Variants in ROBO2 observed in about 807,000 individuals in gnomAD.
ROBO2 encodes roundabout homolog 2.
A neutral mutation model predicts 160.8 loss-of-function variants in ROBO2; 53 were observed. The observed-to-expected ratio is 0.33, with a 90% CI of 0.26 to 0.41. ROBO2 has a LOEUF of 0.41. ROBO2 is among the 10% of genes least tolerant of loss of function. The pLI is 1.00. For missense variants in ROBO2, 1,577 were observed against 1,722.4 expected (o/e 0.92, Z 1.49); for synonymous variants, 664 against 611.7 (o/e 1.09, Z -1.26).
At chr3:76,668,267 T>TAAAA (rs35393443) in intron 2 of ROBO2, among the ~76,000 whole-genome samples, 2 of 150,526 alleles carry the variant, frequency 1.3e-5, no homozygotes, top group African/African-American at 4.9e-5. Flanking sequence ...GCCCAGCTAT[T>TAAAA]AAAAAAAAAT....
At chr3:77,483,277 A>G (rs2084923239) in intron 4 of ROBO2, among the ~76,000 whole-genome samples, 1 of 152,074 alleles carries the variant, frequency 6.6e-6, no homozygotes, top group Non-Finnish European at 1.5e-5. Flanking sequence ...AACAAAAAAA[A>G]CAAAGTGATG....
intron 2 of ROBO2, among the ~76,000 whole-genome samples, chr3:76,157,108 T>C (rs2072437573): frequency 6.6e-6 from 1 of 152,222 alleles, no homozygotes; most frequent in African/African-American, 2.4e-5. Flanking sequence ...ATGGTCATTT[T>C]TCCTGGCTTA....
chr3:77,281,316 G>A (rs1346108502), intron 2 of ROBO2, among the ~76,000 whole-genome samples: 2 of 128,550 alleles, frequency 1.6e-5, no homozygotes, highest in South Asian at 2.6e-4. Context: ...TCCTTCTTTC[G>A]TTACCTCCCA....
intron 2 of ROBO2, among the ~76,000 whole-genome samples, chr3:77,186,838 T>G (rs146176914): frequency 6.6e-6 from 1 of 152,144 alleles, no homozygotes; most frequent in African/African-American, 2.4e-5. Flanking sequence ...AAAAATGCTT[T>G]AACTTCCTTT....
chr3:77,568,536 A>G (rs2093554493), intron 13 of ROBO2, 102 bp downstream of exon 14: 23 of 1,382,304 alleles, frequency 1.7e-5, no homozygotes, highest in Non-Finnish European at 2.0e-6. Flanking sequence ...AATTCCCGCC[A>G]TTTAAAATCA....
intron 2 of ROBO2, among the ~76,000 whole-genome samples, chr3:76,208,024 C>A (rs764708370): frequency 3.3e-5 from 5 of 152,178 alleles, no homozygotes; most frequent in Non-Finnish European, 7.3e-5. Context: ...CACCTCCCCA[C>A]TGTTACTCTT....
rs142613906 is a variant in ROBO2 at position 76,457,454 on chromosome 3, C to T, written c.109+519852C>T. The stretch of plus-strand genomic sequence containing the variant: ...GTTCCAAAGGTCTTAGGCAGCTCCG[C>T]CCCTGTGGCTTTGCAGGGTGCAGCC... On this transcript the variant is annotated intron_variant, in intron 2 of 26. Transcript: ENST00000487694. 8.8e-4 allele frequency among the ~76,000 whole-genome samples: 134 copies of T among 152,302 alleles called. 1 individual carries two copies. Among genetic ancestry groups the T allele is most frequent in the African/African-American group, 3.1e-3 (129 of 41,576 alleles).
At chr3:76,677,376 A>G (rs72888350) in intron 2 of ROBO2, among the ~76,000 whole-genome samples, 5,418 of 152,260 alleles carry the variant, frequency 0.036, 291 homozygotes, top group African/African-American at 0.11. Context: ...AGAGAAGTTA[A>G]AATTACTGAC....
rs71104688 is a variant in ROBO2 at position 77,473,440 on chromosome 3, CTTTTTTTTTTTTTTTTTTTTTTTTT to C, written c.389-3961_389-3937del. On this transcript the variant is annotated intron_variant, in intron 2 of 25. Transcript: ENST00000461745. ...CTGCAGTTCGATTTTACAAACTGCT[CTTTTTTTTTTTTTTTTTTTTTTTTT>C]TTTTTTTTTTTTGAGACAAAGTCTC... Among the ~76,000 whole-genome samples the C allele has an allele frequency of 1.2e-4, 9 of 77,922 alleles. 1 individual carries two copies. Among genetic ancestry groups the C allele is most frequent in the South Asian group, 1.1e-3 (2 of 1,878 alleles). The allele number at this position is 77,922 out of a possible 152,430, so 51.1% of individuals were successfully genotyped here.
At chr3:77,641,345 A>C (rs2153722710) in intron 24 of ROBO2, among the ~76,000 whole-genome samples, 1 of 152,362 alleles carries the variant, frequency 6.6e-6, no homozygotes, top group South Asian at 2.1e-4. Context: ...GACCAACATT[A>C]TCAGTCCAAT....
intron 6 of ROBO2, chr3:77,538,802 C>T (rs1347061734): frequency 2.3e-6 from 1 of 441,942 alleles, no homozygotes; most frequent in African/African-American, 2.0e-5. Flanking sequence ...ATTGAGTAAA[C>T]ATTTATCTCT....
intron 2 of ROBO2, among the ~76,000 whole-genome samples, chr3:77,285,657 A>C (rs1266156330): frequency 6.6e-6 from 1 of 152,194 alleles, no homozygotes; most frequent in East Asian, 1.9e-4. Context: ...CTCATAGATC[A>C]CGTTCACTCT....
At chr3:77,588,082 A>G (rs1349412175) in intron 16 of ROBO2, among the ~76,000 whole-genome samples, 1 of 152,032 alleles carries the variant, frequency 6.6e-6, no homozygotes, top group Non-Finnish European at 1.5e-5. Flanking sequence ...TTGTTCTTTA[A>G]ATTTAGCTTT....
chr3:77,066,768 G>T (rs747051185), intron 1 of ROBO2, among the ~76,000 whole-genome samples: 33 of 152,142 alleles, frequency 2.2e-4, no homozygotes, highest in Non-Finnish European at 4.6e-4. Flanking sequence ...GGGAATGATT[G>T]TTTAGTGTTA....
chr3:76,126,841 A>G (rs949114833), intron 2 of ROBO2, among the ~76,000 whole-genome samples: 3 of 152,126 alleles, frequency 2.0e-5, no homozygotes, highest in Admixed American at 2.0e-4. Flanking sequence ...GTTTAAGTTT[A>G]GTACCTGGAA....
At chr3:76,891,082 T>A (rs2074309932) in intron 2 of ROBO2, among the ~76,000 whole-genome samples, 1 of 152,206 alleles carries the variant, frequency 6.6e-6, no homozygotes, top group South Asian at 2.1e-4. Flanking sequence ...ATTATTTCAC[T>A]TTTTGTTCAT....
chr3:76,508,252 A>G (rs992819935), intron 2 of ROBO2, among the ~76,000 whole-genome samples: 3 of 152,170 alleles, frequency 2.0e-5, no homozygotes, highest in Non-Finnish European at 4.4e-5. Context: ...AAATGTGGCA[A>G]CAAATTATGT....
Position 76,977,707 on chromosome 3 carries a change from C to T in ROBO2, c.110-120307C>T, listed in dbSNP as rs990917217. Among the ~76,000 whole-genome samples the T allele has an allele frequency of 7.9e-5, 12 of 152,098 alleles. 1 individual carries two copies. The highest frequency in any genetic ancestry group is 7.9e-4 in the Admixed American group (12 of 15,264). On this transcript the variant is annotated intron_variant, in intron 2 of 26. Transcript: ENST00000487694. Reference sequence around the variant, plus strand: ...ATTTCAGCAAAAACATTTGACAACACCTTCTGCATTGCTGAGCACTACAGT... The same window carrying T: ...ATTTCAGCAAAAACATTTGACAACATCTTCTGCATTGCTGAGCACTACAGT...
chr3:77,284,887 G>A (rs145203665), intron 2 of ROBO2, among the ~76,000 whole-genome samples: 28 of 152,180 alleles, frequency 1.8e-4, no homozygotes, highest in Middle Eastern at 3.4e-3. Context: ...CTCATTAACC[G>A]TACCTCACTT....
Sources: allele counts gnomAD v4.1 joint callset (sites outside exome capture counted in the v4.1 genomes callset), GRCh38; gene constraint gnomAD v4.1.1; transcripts MANE v1.5; gene names NCBI Gene and HGNC (gene_info 2026-07-23, HGNC 2026-07-21).